Variants in MEIS2 observed in about 807,000 individuals in gnomAD.
MEIS2 encodes the protein Meis homeobox 2.
MEIS2 carries 9 observed loss-of-function variants against 58.6 expected under a neutral mutation model. The ratio of observed to expected loss-of-function variants is 0.15; its 90% CI spans 0.09 to 0.27. The LOEUF (loss-of-function observed/expected upper bound fraction) is 0.27. MEIS2 is among the 10% of genes least tolerant of loss of function. MEIS2 has a pLI of 1.00. For missense variants in MEIS2, 427 were observed against 635.0 expected (o/e 0.67, Z 3.52); for synonymous variants, 221 against 228.4 (o/e 0.97, Z 0.29).
At chr15:37,026,732 C>T (rs1019988529) in intron 8 of MEIS2, among the ~76,000 whole-genome samples, 3 of 152,064 alleles carry the variant, frequency 2.0e-5, no homozygotes, top group East Asian at 3.9e-4. Flanking sequence ...TTCTTGTCAT[C>T]GCAGAATCCC....
intron 1 of MEIS2, 186 bp from the exon 2 acceptor site, chr15:37,098,385 A>AGGGGGG (rs1278124644): frequency 1.4e-6 from 1 of 717,804 alleles, no homozygotes; most frequent in African/African-American, 3.4e-5. Flanking sequence ...AGGGGGAGAG[A>AGGGGGG]GAGAGAGAGA....
intron 8 of MEIS2, among the ~76,000 whole-genome samples, chr15:37,021,924 G>C (rs1176080388): frequency 1.3e-5 from 2 of 151,942 alleles, no homozygotes; most frequent in Non-Finnish European, 2.9e-5. Flanking sequence ...AACACATAGA[G>C]ATTTCCCCTT....
At position 37,018,731 on chromosome 15, in the gene MEIS2, A is replaced by G. The variant is rs371512846; in HGVS notation, c.900+18083T>C. ...AATTCCCTTATAATGTACCAGTACA[A>G]CAGAAGAAACTCATGACATCAAGAT... On this transcript the variant is annotated intron_variant, in intron 8 of 11. Transcript: ENST00000561208. Among the ~76,000 whole-genome samples, 320 of 152,332 alleles carry G rather than the reference A, an allele frequency of 2.1e-3. 1 individual carries two copies. The highest frequency in any genetic ancestry group is 7.2e-3 in the African/African-American group (300 of 41,578).
intron 9 of MEIS2, among the ~76,000 whole-genome samples, chr15:36,899,836 T>C (rs2056379065): frequency 6.6e-6 from 1 of 152,156 alleles, no homozygotes; most frequent in South Asian, 2.1e-4. Flanking sequence ...CACATATGGA[T>C]TAAGTTATCC....
intron 7 of MEIS2, among the ~76,000 whole-genome samples, chr15:37,061,227 A>G (rs1216050934): frequency 2.0e-5 from 3 of 152,172 alleles, no homozygotes; most frequent in African/African-American, 7.2e-5. Context: ...AACTGTAGCA[A>G]TGAAGAAGGG....
intron 8 of MEIS2, among the ~76,000 whole-genome samples, chr15:36,951,370 T>C (rs975515168): frequency 6.6e-6 from 1 of 152,158 alleles, no homozygotes; most frequent in African/African-American, 2.4e-5. Flanking sequence ...ATCTAGCATG[T>C]CAAAGTCATT....
intron 7 of MEIS2, among the ~76,000 whole-genome samples, chr15:37,043,978 G>A (rs1171500344): frequency 6.6e-6 from 1 of 152,110 alleles, no homozygotes; most frequent in African/African-American, 2.4e-5. Context: ...GAGCCACTGT[G>A]CCTGGCCCGT....
intron 8 of MEIS2, among the ~76,000 whole-genome samples, chr15:37,006,203 A>G (rs965901777): frequency 1.8e-4 from 27 of 152,194 alleles, no homozygotes; most frequent in African/African-American, 6.5e-4. Flanking sequence ...GACTTTTGAT[A>G]GTGATTCAGC....
chr15:37,033,416 A>C (rs1476763374), intron 8 of MEIS2, among the ~76,000 whole-genome samples: 1 of 152,342 alleles, frequency 6.6e-6, no homozygotes. Context: ...TTGCTTAACA[A>C]ATTAAAATAA....
chr15:36,960,845 A>T (rs1444801636), intron 8 of MEIS2, among the ~76,000 whole-genome samples: 5 of 152,172 alleles, frequency 3.3e-5, no homozygotes, highest in African/African-American at 1.2e-4. Flanking sequence ...AAAGTAAAAC[A>T]AGATATCACC....
intron 8 of MEIS2, among the ~76,000 whole-genome samples, chr15:37,029,584 T>C (rs1001621451): frequency 6.6e-6 from 1 of 151,936 alleles, no homozygotes; most frequent in African/African-American, 2.4e-5. Context: ...ATGAAAGAGG[T>C]GGGTAGCACT....
chr15:37,010,950 A>G (rs2061129490), intron 8 of MEIS2, among the ~76,000 whole-genome samples: 1 of 152,212 alleles, frequency 6.6e-6, no homozygotes, highest in Non-Finnish European at 1.5e-5. Context: ...TTCTTATCAT[A>G]TCTCCTTTTG....
intron 1 of MEIS2, 82 bp downstream of exon 1, chr15:37,099,373 G>A (rs369338566): frequency 6.9e-6 from 11 of 1,590,666 alleles, no homozygotes; most frequent in Non-Finnish European, 9.4e-6. Context: ...CAGCAGAAGC[G>A]TTGAAGGGAG....
intron 8 of MEIS2, among the ~76,000 whole-genome samples, chr15:36,982,232 A>T (rs1316758959): frequency 1.3e-5 from 2 of 152,210 alleles, no homozygotes; most frequent in Non-Finnish European, 2.9e-5. Context: ...AGTGTACAAT[A>T]CAGGATTACT....
chr15:36,964,767 ACACT>A (rs1383954965), intron 8 of MEIS2, among the ~76,000 whole-genome samples: 1 of 152,116 alleles, frequency 6.6e-6, no homozygotes, highest in African/African-American at 2.4e-5. Context: ...CATTTTGGAA[ACACT>A]CAACCAACTC....
intron 9 of MEIS2, among the ~76,000 whole-genome samples, chr15:36,913,740 A>G (rs991526329): frequency 2.0e-5 from 3 of 152,094 alleles, no homozygotes; most frequent in Non-Finnish European, 4.4e-5. Context: ...GGAGAAAAAA[A>G]AAAGCTTAAG....
chr15:37,050,042 G>T (rs1596013575), intron 7 of MEIS2, among the ~76,000 whole-genome samples: 1 of 152,194 alleles, frequency 6.6e-6, no homozygotes, highest in East Asian at 1.9e-4. Context: ...ATATTACAAA[G>T]ATATGCATTA....
intron 7 of MEIS2, among the ~76,000 whole-genome samples, chr15:37,044,926 T>C (rs1567221097): frequency 1.3e-5 from 2 of 152,164 alleles, no homozygotes; most frequent in South Asian, 2.1e-4. Flanking sequence ...CCTCTAGATA[T>C]ATTAATTAGA....
chr15:37,010,072 T>C (rs192507416), intron 8 of MEIS2, among the ~76,000 whole-genome samples: 7 of 152,210 alleles, frequency 4.6e-5, no homozygotes, highest in Non-Finnish European at 1.0e-4. Flanking sequence ...TGGAAAGCAC[T>C]GTGGGTTTTT....
Sources: gnomAD v4.1 joint callset for allele counts (sites outside exome capture counted in the v4.1 genomes callset) on GRCh38, gnomAD v4.1.1 for gene constraint, MANE v1.5 for transcripts, NCBI Gene and HGNC (gene_info 2026-07-23, HGNC 2026-07-21) for gene names.